FSTL4: variants seen among roughly 807,000 people sequenced by gnomAD.
FSTL4 encodes follistatin like 4.
In FSTL4, 28 loss-of-function variants were observed where a neutral mutation model predicts 78.2. The observed-to-expected ratio is 0.36, with a 90% CI of 0.27 to 0.49. The LOEUF is 0.49. Among genes scored for constraint, FSTL4 ranks in the 20% least tolerant of loss-of-function variants. The pLI is 0.98. For missense variants in FSTL4, 922 were observed against 1,084.9 expected, an observed-to-expected ratio of 0.85 and a Z score of 2.11; for synonymous variants, 422 against 440.5, an observed-to-expected ratio of 0.96 and a Z score of 0.53.
intron 3 of FSTL4, among the ~76,000 whole-genome samples, chr5:133,496,352 T>C (rs550139641): frequency 6.6e-6 from 1 of 152,338 alleles, no homozygotes; most frequent in African/African-American, 2.4e-5. Context: ...AATTCCGTGG[T>C]CTGACACTCA....
chr5:133,647,205 A>C, the FSTL4 span, among the ~76,000 whole-genome samples: 2 of 152,128 alleles, frequency 1.3e-5, no homozygotes, highest in Non-Finnish European at 1.5e-5. Context: ...CATCAGGAGA[A>C]GATACAGCAG....
chr5:133,625,345 G>C, the FSTL4 span, among the ~76,000 whole-genome samples: 1 of 151,620 alleles, frequency 6.6e-6, no homozygotes, highest in Non-Finnish European at 1.5e-5. Flanking sequence ...AGTTGTGGAA[G>C]TTTATACATT....
the FSTL4 span, among the ~76,000 whole-genome samples, chr5:133,788,903 G>A: frequency 1.3e-5 from 2 of 152,182 alleles, no homozygotes; most frequent in Non-Finnish European, 2.9e-5. Flanking sequence ...TTTATTGGAA[G>A]AAGGTGTTCT....
rs541370966 is a variant in FSTL4, at chr5:133,571,785, A to T, written c.127-4566T>A. Among the ~76,000 whole-genome samples the T allele has an allele frequency of 2.0e-5, 3 of 152,336 alleles. No homozygotes were observed. In the East Asian group the frequency reaches 5.8e-4, roughly 29 times the overall value. ...AGGTGGATTTAACAACAGATTAAAC[A>T]CAACTGAAGAAAGGAATAGTAAGAT... On this transcript the variant is annotated intron_variant, in intron 2 of 15. Transcript: ENST00000265342.
the FSTL4 span, among the ~76,000 whole-genome samples, chr5:133,715,388 T>C: frequency 0.36 from 54,043 of 152,126 alleles, 10,771 homozygotes; most frequent in African/African-American, 0.54. Flanking sequence ...TTTTATGCAG[T>C]GAGTTATGGC....
intron 3 of FSTL4, among the ~76,000 whole-genome samples, chr5:133,506,115 C>G (rs977894660): frequency 2.1e-4 from 32 of 152,166 alleles, no homozygotes; most frequent in African/African-American, 7.5e-4. Context: ...TCACCCAAAC[C>G]CACCTCTTAC....
chr5:133,254,180 T>G (rs1752329067), intron 6 of FSTL4, among the ~76,000 whole-genome samples: 2 of 152,240 alleles, frequency 1.3e-5, no homozygotes, highest in Non-Finnish European at 2.9e-5. Flanking sequence ...ATGGGAAATC[T>G]AAGGGAGGTG....
At chr5:133,760,527 GA>G in the FSTL4 span, among the ~76,000 whole-genome samples, 3 of 152,288 alleles carry the variant, frequency 2.0e-5, no homozygotes, top group East Asian at 5.8e-4. Context: ...CAGACAGGGC[GA>G]TCTCCATTTA....
At chr5:133,707,014 G>A in the FSTL4 span, among the ~76,000 whole-genome samples, 2 of 152,256 alleles carry the variant, frequency 1.3e-5, no homozygotes, top group African/African-American at 2.4e-5. Flanking sequence ...TAAGCACAAC[G>A]TTATTCCTTT....
Position 133,249,529 on chromosome 5 carries a change from T to A in FSTL4, c.775A>T (p.Thr259Ser), listed in dbSNP as rs752953178. The A allele has an allele frequency of 6.2e-7, 1 of 1,613,750 alleles. No homozygotes were observed. The highest frequency in any genetic ancestry group is 2.2e-5 in the East Asian group (1 of 44,880). ...LAPEDRVSVT[T>S]VTVGLSTVLT... The stretch of plus-strand genomic sequence containing the variant: ...ACTGTGCTCAGCCCCACGGTCACTG[T>A]GGTCACACTGACCCTGTCCTCGGGG... The change falls in exon 7 of 16, where the codon ACA becomes TCA. Residue 259 changes from threonine (T) to serine (S), a missense_variant. By Grantham distance (58) the Thr-to-Ser change is moderately conservative. Coordinates refer to ENST00000265342, the MANE Select transcript of FSTL4 (RefSeq NM_015082.2).
intron 11 of FSTL4, chr5:133,223,942 T>A: frequency 2.3e-6 from 1 of 441,550 alleles, no homozygotes; most frequent in South Asian, 3.4e-5. Context: ...CCTTACCAAC[T>A]GTTCTGCTTC....
chr5:133,565,598 C>G (rs992937714), intron 3 of FSTL4, among the ~76,000 whole-genome samples: 3 of 152,214 alleles, frequency 2.0e-5, no homozygotes, highest in Non-Finnish European at 4.4e-5. Flanking sequence ...GCTGACACTT[C>G]CAGCGGTGGA....
chr5:133,790,162 C>T, the FSTL4 span, among the ~76,000 whole-genome samples: 1 of 152,158 alleles, frequency 6.6e-6, no homozygotes, highest in Non-Finnish European at 1.5e-5. Context: ...TCAATGACTC[C>T]TCCATCATGC....
At position 133,503,047 on chromosome 5, in the gene FSTL4, C is replaced by T. The variant is rs189136396; in HGVS notation, c.160+64139G>A. Among the ~76,000 whole-genome samples the T allele has an allele frequency of 6.5e-4, 99 of 152,314 alleles. 1 individual carries two copies. The highest frequency in any genetic ancestry group is 2.3e-3 in the African/African-American group (97 of 41,574). On this transcript the variant is annotated intron_variant, in intron 3 of 15. Transcript: ENST00000265342. Reference sequence around the variant, plus strand: ...AATTTGTTACAGCAGCAATAGAAAACTTATACAGAGACTGAGGAGGTTCAC... The same window carrying T: ...AATTTGTTACAGCAGCAATAGAAAATTTATACAGAGACTGAGGAGGTTCAC...
intron 3 of FSTL4, among the ~76,000 whole-genome samples, chr5:133,437,983 G>A (rs1032495020): frequency 1.3e-5 from 2 of 151,930 alleles, no homozygotes; most frequent in African/African-American, 4.8e-5. Flanking sequence ...GGAATTTATA[G>A]CTACTGAATT....
At chr5:133,733,162 A>T in the FSTL4 span, among the ~76,000 whole-genome samples, 1 of 152,244 alleles carries the variant, frequency 6.6e-6, no homozygotes, top group Non-Finnish European at 1.5e-5. Context: ...CATAGGAATC[A>T]GTCATTCTGT....
intron 3 of FSTL4, chr5:133,427,667 G>A (rs935898912): frequency 1.9e-6 from 1 of 530,532 alleles, no homozygotes. Context: ...GTAGTTCTGA[G>A]GCAGGGTCTA....
chr5:133,478,792 C>T (rs1317541021), intron 3 of FSTL4, among the ~76,000 whole-genome samples: 3 of 152,056 alleles, frequency 2.0e-5, no homozygotes, highest in East Asian at 1.9e-4. Flanking sequence ...GAGGCCTCTG[C>T]GATGACCCGG....
At chr5:133,457,712 T>A (rs1332599617) in intron 3 of FSTL4, 2 of 152,254 alleles carry the variant, frequency 1.3e-5, no homozygotes, top group Non-Finnish European at 2.9e-5. Context: ...GCATCTCAAG[T>A]CTGCATTGCC....
Sources: allele counts gnomAD v4.1 joint callset (sites outside exome capture counted in the v4.1 genomes callset), GRCh38; gene constraint gnomAD v4.1.1; transcripts MANE v1.5; gene names NCBI Gene and HGNC (gene_info 2026-07-23, HGNC 2026-07-21).